Variants in IRGM observed in about 807,000 individuals in gnomAD.
IRGM encodes immunity-related GTPase family M protein.
For missense variants in IRGM, 288 were observed against 219.9 expected, an observed-to-expected ratio of 1.31 and a Z score of -1.96; for synonymous variants, 98 against 80.6, an observed-to-expected ratio of 1.22 and a Z score of -1.16.
chr5:150,849,733 A>G (rs1179427870), downstream of IRGM, among the ~76,000 whole-genome samples: 1 of 151,582 alleles, frequency 6.6e-6, no homozygotes, highest in Admixed American at 6.6e-5. Flanking sequence ...CAGCCTCCCA[A>G]GTAGCTGAGA....
intron 1 of IRGM, among the ~76,000 whole-genome samples, chr5:150,868,610 A>G (rs536264574): frequency 6.6e-6 from 1 of 152,252 alleles, no homozygotes; most frequent in Admixed American, 6.5e-5. Context: ...ATGAGTATGC[A>G]AAGTGTTTCC....
chr5:150,896,496 T>A, intron 3 of IRGM: 2 of 1,613,538 alleles, frequency 1.2e-6, no homozygotes, highest in Non-Finnish European at 1.7e-6. Flanking sequence ...TCTAAAAACG[T>A]TTCCACACTG....
At chr5:150,888,101 AT>A (rs1349049278) in intron 3 of IRGM, among the ~76,000 whole-genome samples, 1 of 152,078 alleles carries the variant, frequency 6.6e-6, no homozygotes, top group Non-Finnish European at 1.5e-5. Context: ...ATGGAGGGAA[AT>A]TTACCAAGCA....
intron 1 of IRGM, among the ~76,000 whole-genome samples, chr5:150,858,640 A>T (rs926715490): frequency 2.0e-5 from 3 of 151,862 alleles, no homozygotes; most frequent in African/African-American, 7.2e-5. Flanking sequence ...GAGGTCCTTC[A>T]CATCCCTTGT....
intron 3 of IRGM, among the ~76,000 whole-genome samples, chr5:150,893,808 C>A (rs888925619): frequency 2.0e-5 from 3 of 152,084 alleles, no homozygotes; most frequent in African/African-American, 7.2e-5. Flanking sequence ...CCAAATGCTA[C>A]ATAGTATTTT....
chr5:150,849,679 T>A (rs1348734102), downstream of IRGM, among the ~76,000 whole-genome samples: 1 of 148,700 alleles, frequency 6.7e-6, no homozygotes, highest in Non-Finnish European at 1.5e-5. Flanking sequence ...CAACCTCAGC[T>A]CACTGCAACT....
chr5:150,882,583 C>G (rs925977312), intron 3 of IRGM, among the ~76,000 whole-genome samples: 5 of 152,054 alleles, frequency 3.3e-5, no homozygotes, highest in Admixed American at 1.3e-4. Context: ...ATACTTATAT[C>G]AGATAAAATA....
At chr5:150,858,053 T>G (rs1251183869) in intron 1 of IRGM, among the ~76,000 whole-genome samples, 2 of 152,340 alleles carry the variant, frequency 1.3e-5, no homozygotes, top group South Asian at 2.1e-4. Flanking sequence ...GTTTTTATGG[T>G]TTTAGGTCTA....
chr5:150,896,495 G>A (rs775053961), intron 3 of IRGM: 20 of 1,613,196 alleles, frequency 1.2e-5, no homozygotes, highest in African/African-American at 2.7e-5. Flanking sequence ...TTCTAAAAAC[G>A]TTTCCACACT....
intron 3 of IRGM, among the ~76,000 whole-genome samples, chr5:150,891,560 G>C (rs4958848): frequency 0.21 from 31,774 of 151,852 alleles, 5,358 homozygotes; most frequent in African/African-American, 0.45. Context: ...ACTCTGTTTT[G>C]TTATTTTAGT....
chr5:150,855,573 G>C (rs1754037717), intron 1 of IRGM, among the ~76,000 whole-genome samples: 3 of 152,202 alleles, frequency 2.0e-5, no homozygotes, highest in Admixed American at 2.0e-4. Flanking sequence ...AGGAGGAATG[G>C]TAAGGTAGCC....
At chr5:150,877,775 C>T (rs1335146852) in intron 1 of IRGM, among the ~76,000 whole-genome samples, 2 of 152,110 alleles carry the variant, frequency 1.3e-5, no homozygotes, top group African/African-American at 2.4e-5. Context: ...TTATGAAGCC[C>T]TCTGAATAAT....
chr5:150,866,660 A>AACAAG (rs1347109989), intron 1 of IRGM, among the ~76,000 whole-genome samples: 3 of 152,248 alleles, frequency 2.0e-5, no homozygotes, highest in Non-Finnish European at 2.9e-5. Context: ...CAGATATTAA[A>AACAAG]ACAAGATATT....
rs930645632 is a variant in IRGM, at chr5:150,848,284, G to A, written c.161G>A (p.Arg54Gln). The A allele has an allele frequency of 7.1e-6, 11 of 1,551,776 alleles. No individual in the cohort carries two copies. Among genetic ancestry groups the A allele is most frequent in the South Asian group, 1.2e-5 (1 of 84,062 alleles). Residue 54 changes from arginine to glutamine, a missense_variant, in exon 2 of 2, where the codon CGA (arginine) becomes CAA (glutamine). By Grantham distance (43) the Arg-to-Gln change is conservative (BLOSUM62 1). Coordinates refer to ENST00000522154, the MANE Select transcript of IRGM (RefSeq NM_001145805.2). Reference sequence around the variant, plus strand: ...ATGTCCACCTTCATCAGTGCCCTTCGAAACACAGGACATGAGGGTAAGGCC... The same window carrying A: ...ATGTCCACCTTCATCAGTGCCCTTCAAAACACAGGACATGAGGGTAAGGCC... ...NGMSTFISALRNTGHEGKASP... is the reference protein window; with the variant it reads ...NGMSTFISALQNTGHEGKASP...
chr5:150,848,071 G>T lies in IRGM; in HGVS notation c.-53G>T, dbSNP rs1267515305. The T allele has an allele frequency of 3.5e-6, 5 of 1,423,700 alleles. 1 individual carries two copies. Among genetic ancestry groups the T allele is most frequent in the Non-Finnish European group, 4.7e-6 (5 of 1,055,926 alleles). 88.2% of individuals were successfully genotyped at this position (1,423,700 alleles called of 1,614,324 possible). ...TCGCCTCGGCCTTCCAAAGTGCTGG[G>T]ATTACAGGCATGAGCCACGGCGCCT... On this transcript the variant is annotated 5_prime_UTR_variant, in exon 2 of 2. Coordinates refer to ENST00000522154, the MANE Select transcript of IRGM (RefSeq NM_001145805.2).
At chr5:150,870,999 G>A (rs1357037637) in intron 1 of IRGM, among the ~76,000 whole-genome samples, 2 of 152,014 alleles carry the variant, frequency 1.3e-5, no homozygotes, top group East Asian at 1.9e-4. Flanking sequence ...AAGTGGTATG[G>A]TGGGAGGAGA....
chr5:150,873,476 A>G lies in IRGM; in HGVS notation c.159-4504A>G, dbSNP rs137887659. ...CCTCTGGCCTTTTACCAGGATAACT[A>G]TGCACTGGGGAAAGGGAAATGATCA... On this transcript the variant is annotated intron_variant and NMD_transcript_variant, in intron 1 of 3. Transcript: ENST00000520549. Among the ~76,000 whole-genome samples, 1,006 of 152,304 alleles carry G rather than the reference A, an allele frequency of 6.6e-3. 12 individuals carry two copies. Among genetic ancestry groups the G allele is most frequent in the African/African-American group, 0.023 (962 of 41,570 alleles).
intron 3 of IRGM, among the ~76,000 whole-genome samples, chr5:150,887,658 G>GAAAAAAAAAA (rs75460329): frequency 1.1e-5 from 1 of 88,578 alleles, no homozygotes; most frequent in Admixed American, 1.2e-4. Context: ...AGGTCAAAAT[G>GAAAAAAAAAA]AAAAAAAAAA....
At chr5:150,898,498 T>G in intron 3 of IRGM, 1 of 1,613,250 alleles carries the variant, frequency 6.2e-7, no homozygotes, top group Non-Finnish European at 8.5e-7. Flanking sequence ...AAGGGTCAAG[T>G]TGCTGCCACT....
Sources: gnomAD v4.1 joint callset for allele counts (sites outside exome capture counted in the v4.1 genomes callset) on GRCh38, gnomAD v4.1.1 for gene constraint, MANE v1.5 for transcripts, NCBI Gene and HGNC (gene_info 2026-07-23, HGNC 2026-07-21) for gene names.